Variants in CSMD2 observed in about 807,000 individuals in gnomAD.
CSMD2 encodes CUB and sushi domain-containing protein 2.
Under a neutral mutation model 398.5 loss-of-function variants are expected in CSMD2, and 130 were observed. The observed-to-expected ratio is 0.33, with a 90% CI of 0.28 to 0.38. The LOEUF (loss-of-function observed/expected upper bound fraction) is 0.38. Ranked by LOEUF, CSMD2 falls within the 10% of genes least tolerant of loss-of-function variation. The probability of loss-of-function intolerance (pLI) is 1.00; values close to 1 mark genes in which losing one functional copy is unlikely to be tolerated. For missense variants in CSMD2, 3,829 were observed against 4,764.9 expected (o/e 0.80, Z 5.78); for synonymous variants, 1,828 against 1,908.5 (o/e 0.96, Z 1.10).
intron 56 of CSMD2, among the ~76,000 whole-genome samples, chr1:33,549,629 C>A (rs571558475): frequency 6.6e-6 from 1 of 152,118 alleles, no homozygotes; most frequent in African/African-American, 2.4e-5. Context: ...TGGGGACTGG[C>A]GTTTCAAGGC....
Position 33,714,639 on chromosome 1 carries a change from C to A in CSMD2, c.3354G>T (p.Thr1118=), listed in dbSNP as rs371544265. The A allele has an allele frequency of 1.2e-6, 2 of 1,613,978 alleles. No individual in the cohort carries two copies. Among genetic ancestry groups the A allele is most frequent in the East Asian group, 2.2e-5 (1 of 44,878 alleles). ...GYRLEGTARI[T]CLGGRRRLWS... is the part of the protein sequence containing the mutation. ...ACAGGCGCCGTCTGCCCCCCAGGCACGTGATGCGGGCGGTGCCCTCCAGAC... is the reference window on the plus strand; with the variant it reads ...ACAGGCGCCGTCTGCCCCCCAGGCAAGTGATGCGGGCGGTGCCCTCCAGAC... The change falls in exon 21 of 71, where the codon ACG becomes ACT. Residue 1118 remains threonine, a synonymous_variant. Transcript: ENST00000373381.
rs575827314 is a variant in CSMD2 at position 33,518,456 on chromosome 1, G to A, written c.*53+1009C>T. ...GTGTCTGCCCCCTGTCTATATTTCC[G>A]GGAGCTCCTCCCCTCTGTTGTGCTC... On this transcript the variant is annotated intron_variant, in intron 70 of 70. Transcript: ENST00000373381. This position sits in a 1 kb window ranked among gnomAD's most constrained non-coding sequence, Gnocchi z 4.3. Among the ~76,000 whole-genome samples, 8 of 152,150 alleles carry A rather than the reference G, an allele frequency of 5.3e-5. No homozygotes were observed. In the South Asian group the frequency reaches 6.2e-4, roughly 12 times the overall value.
intron 3 of CSMD2, among the ~76,000 whole-genome samples, chr1:33,969,837 G>C (rs1049669722): frequency 2.0e-5 from 3 of 152,098 alleles, no homozygotes; most frequent in Admixed American, 2.0e-4. Context: ...ATTCAGCCGG[G>C]CGTGGTGGCT....
At chr1:34,106,378 G>T (rs947021108) in intron 1 of CSMD2, among the ~76,000 whole-genome samples, 1 of 152,148 alleles carries the variant, frequency 6.6e-6, no homozygotes, top group African/African-American at 2.4e-5. Flanking sequence ...TTTTGAAATG[G>T]CTGTTACAGC....
rs755428072 is a variant in CSMD2, at chr1:33,700,577, A to G, written c.3673T>C (p.Trp1225Arg). The change falls in exon 23 of 71, where the codon TGG becomes CGG. Residue 1225 changes from tryptophan to arginine, a missense_variant. This residue lies in a region of CSMD2 where 2,001 missense variants were observed against 2,567.1 expected (regional missense o/e 0.78). Transcript: ENST00000373381. Reference protein sequence around the residue: ...VTLNSTSSSLWLDFITDAENT... With the variant: ...VTLNSTSSSLRLDFITDAENT... ...TCAGCATCAGTGATGAAATCAAGCC[A>G]CAGACTGCTGGATGTGCTGTTCAAA... 43 of 1,614,100 alleles carry G rather than the reference A, an allele frequency of 2.7e-5. No individual in the cohort carries two copies. The highest frequency in any genetic ancestry group is 3.6e-5 in the Non-Finnish European group (43 of 1,180,038).
chr1:33,994,776 A>G (rs964031897), intron 3 of CSMD2, among the ~76,000 whole-genome samples: 1 of 152,192 alleles, frequency 6.6e-6, no homozygotes, highest in Non-Finnish European at 1.5e-5. Flanking sequence ...GTAGCTAAGC[A>G]GTATTTCCAC....
intron 56 of CSMD2, among the ~76,000 whole-genome samples, chr1:33,548,586 G>A (rs1406914918): frequency 6.6e-6 from 1 of 152,178 alleles, no homozygotes; most frequent in Non-Finnish European, 1.5e-5. Flanking sequence ...TATTTCATAG[G>A]ACTGGCAGGA....
chr1:33,850,585 C>G (rs1638635128), intron 5 of CSMD2, among the ~76,000 whole-genome samples: 1 of 152,110 alleles, frequency 6.6e-6, no homozygotes. Context: ...TAATTTTGCT[C>G]CCTCTTAGAA....
chr1:33,624,775 G>T lies in CSMD2; in HGVS notation c.5501-132C>A. The T allele has an allele frequency of 8.0e-7, 1 of 1,246,632 alleles. No homozygotes were observed. The highest frequency in any genetic ancestry group is 1.1e-6 in the Non-Finnish European group (1 of 913,394). The allele number at this position is 1,246,632 out of a possible 1,614,324, so 77.2% of individuals were successfully genotyped here. On this transcript the variant is annotated intron_variant, in intron 34 of 70. Transcript: ENST00000373381. The surrounding 1 kb of genome is among the most constrained non-coding windows in gnomAD (Gnocchi z 4.7). ...TGGGGGTGTCTCCCTAATGTCCCCA[G>T]TCCTGCCTTCTCCACGGCCTCTCCC...
intron 64 of CSMD2, among the ~76,000 whole-genome samples, chr1:33,530,608 A>T (rs1465921556): frequency 3.3e-5 from 5 of 152,334 alleles, no homozygotes; most frequent in African/African-American, 9.6e-5. Flanking sequence ...ATCCAAAGGA[A>T]ACAAAATCAG....
chr1:33,566,510 G>T (rs368978548), intron 53 of CSMD2, among the ~76,000 whole-genome samples: 2 of 152,132 alleles, frequency 1.3e-5, no homozygotes, highest in South Asian at 2.1e-4. Flanking sequence ...CCAACTAAAA[G>T]AAAAAGATGG....
At chr1:34,020,024 A>G (rs1009064342) in intron 3 of CSMD2, among the ~76,000 whole-genome samples, 3 of 152,252 alleles carry the variant, frequency 2.0e-5, no homozygotes, top group African/African-American at 7.2e-5. Flanking sequence ...GACCCCAGGA[A>G]GCTCACATTC....
chr1:33,610,762 ACAGATGGGCCACTTGCC>A (rs72157451), intron 41 of CSMD2, among the ~76,000 whole-genome samples: 227 of 152,294 alleles, frequency 1.5e-3, no homozygotes, highest in African/African-American at 5.2e-3. Context: ...CTGAGAAGGC[ACAGATGGGCCACTTGCC>A]CAGGGACAGC....
At chr1:34,147,120 TG>T (rs1557427470) in intron 1 of CSMD2, among the ~76,000 whole-genome samples, 1 of 151,910 alleles carries the variant, frequency 6.6e-6, no homozygotes, top group Non-Finnish European at 1.5e-5. Flanking sequence ...TAGCTGGGCA[TG>T]GTGGCAGGCG....
intron 13 of CSMD2, among the ~76,000 whole-genome samples, chr1:33,765,200 C>T (rs1389560430): frequency 4.6e-5 from 7 of 152,032 alleles, no homozygotes; most frequent in African/African-American, 1.7e-4. Context: ...GTTTTTTTTA[C>T]TCTGACAAAA....
At chr1:33,647,824 G>C (rs1643536095) in intron 28 of CSMD2, among the ~76,000 whole-genome samples, 1 of 152,206 alleles carries the variant, frequency 6.6e-6, no homozygotes, top group Admixed American at 6.5e-5. Context: ...TTTCACGAAG[G>C]GAGGGGATGA....
chr1:33,541,978 T>G (rs1412025410), intron 58 of CSMD2, among the ~76,000 whole-genome samples: 1 of 152,190 alleles, frequency 6.6e-6, no homozygotes, highest in Non-Finnish European at 1.5e-5. Context: ...CAGGGTCTTA[T>G]GGCCCATGAA....
chr1:33,796,334 T>G (rs1654945164), intron 10 of CSMD2, among the ~76,000 whole-genome samples: 1 of 152,240 alleles, frequency 6.6e-6, no homozygotes, highest in Non-Finnish European at 1.5e-5. Context: ...AGGGACCAGC[T>G]GGAGCTGTGG....
At chr1:33,598,665 G>GTATTTTTT (rs1639993377) in intron 44 of CSMD2, 1 of 73,904 alleles carries the variant, frequency 1.4e-5, no homozygotes, top group African/African-American at 5.6e-5. Context: ...AGTTTCCTGT[G>GTATTTTTT]TTTTTTTTTT....
Sources: allele counts gnomAD v4.1 joint callset (sites outside exome capture counted in the v4.1 genomes callset), GRCh38; gene constraint gnomAD v4.1.1; regional missense constraint gnomAD v4.1.1; non-coding constraint Gnocchi (gnomAD v3.1); transcripts MANE v1.5; gene names NCBI Gene and HGNC (gene_info 2026-07-23, HGNC 2026-07-21).